Variants in PRRG1 observed in about 807,000 individuals in gnomAD.
The protein encoded by PRRG1 is transmembrane gamma-carboxyglutamic acid protein 1.
In PRRG1, 5 loss-of-function variants were observed where a neutral mutation model predicts 11.8. The observed-to-expected ratio is 0.42, with a 90% CI of 0.22 to 0.89. PRRG1 has a LOEUF of 0.89. PRRG1 is among the 40% of genes least tolerant of loss of function. The pLI, the probability that PRRG1 is intolerant of heterozygous loss-of-function variation, is 0.28. For missense variants in PRRG1, 155 were observed against 166.1 expected, an observed-to-expected ratio of 0.93 and a Z score of 0.37; for synonymous variants, 66 against 60.4, an observed-to-expected ratio of 1.09 and a Z score of -0.43.
At chrX:37,392,978 TTTTA>T (rs781847995) in intron 1 of PRRG1, among the ~76,000 whole-genome samples, 68 of 111,759 alleles carry the variant, frequency 6.1e-4, no homozygotes, top group African/African-American at 2.2e-3. Context: ...ACAATGTATA[TTTTA>T]TTTGAGTATT....
chrX:37,398,528 G>A (rs1435558304), intron 1 of PRRG1, among the ~76,000 whole-genome samples: 1 of 111,462 alleles, frequency 9.0e-6, no homozygotes, highest in African/African-American at 3.3e-5. Context: ...ACAAAGATGG[G>A]GAAAAAACAG....
chrX:37,429,643 G>A (rs187573197), intron 3 of PRRG1, among the ~76,000 whole-genome samples: 21 of 111,509 alleles, frequency 1.9e-4, no homozygotes, highest in Admixed American at 1.0e-3. Context: ...ACATTTTTCT[G>A]TCTTCTTCTG....
At chrX:37,375,509 G>A (rs1988085723) in intron 1 of PRRG1, among the ~76,000 whole-genome samples, 1 of 111,737 alleles carries the variant, frequency 8.9e-6, no homozygotes, top group African/African-American at 3.3e-5. Flanking sequence ...AAAAATTGCA[G>A]TATAGCAACT....
chrX:37,445,801 T>C (rs1933065690), intron 3 of PRRG1, among the ~76,000 whole-genome samples: 1 of 112,836 alleles, frequency 8.9e-6, no homozygotes, highest in Non-Finnish European at 1.9e-5. Context: ...AAGCCAAATA[T>C]AGCCCACCAT....
rs1470213387 is a variant in PRRG1, at chrX:37,358,462, A to G, written c.-42+9067A>G. On this transcript the variant is annotated intron_variant, in intron 1 of 3. Transcript: ENST00000378628. ...TCATTTTTTTTTCATGTGGATGTCC[A>G]GTTGTTCCAGCATCATTTGTTGAAA... Among the ~76,000 whole-genome samples the G allele has an allele frequency of 7.2e-5, 8 of 111,128 alleles. No individual in the cohort carries two copies. The Admixed American group carries it at 7.6e-4, about 11-fold the overall frequency.
At chrX:37,413,109 A>G (rs1932393799) in intron 2 of PRRG1, among the ~76,000 whole-genome samples, 1 of 111,423 alleles carries the variant, frequency 9.0e-6, no homozygotes, top group African/African-American at 3.3e-5. Context: ...CCAGAGAGGT[A>G]CATTTGTTAC....
chrX:37,449,514 A>G (rs1921039833), intron 3 of PRRG1, among the ~76,000 whole-genome samples: 2 of 112,453 alleles, frequency 1.8e-5, no homozygotes, highest in South Asian at 7.4e-4. Flanking sequence ...CTTTGTAAGA[A>G]TCTTGCACCC....
chrX:37,396,622 A>G (rs1477725958), intron 1 of PRRG1, among the ~76,000 whole-genome samples: 2 of 111,581 alleles, frequency 1.8e-5, no homozygotes, highest in Admixed American at 9.5e-5. Context: ...CCATAAGTCC[A>G]TTAAACCTCT....
chrX:37,446,144 G>C (rs782711519), intron 3 of PRRG1, among the ~76,000 whole-genome samples: 5 of 112,192 alleles, frequency 4.5e-5, no homozygotes, highest in Non-Finnish European at 9.4e-5. Context: ...GCAATATACT[G>C]TATTAATTTA....
intron 3 of PRRG1, among the ~76,000 whole-genome samples, chrX:37,434,201 A>G (rs1932860878): frequency 8.9e-6 from 1 of 112,582 alleles, no homozygotes; most frequent in Admixed American, 9.4e-5. Flanking sequence ...TGCTTTCAGT[A>G]GAATGTTTAT....
intron 2 of PRRG1, among the ~76,000 whole-genome samples, chrX:37,424,140 A>G (rs1366819004): frequency 9.0e-6 from 1 of 111,541 alleles, no homozygotes; most frequent in Non-Finnish European, 1.9e-5. Flanking sequence ...TTGTTAAGTG[A>G]TGCATGACTG....
Position 37,456,135 on chromosome X carries a change from A to G in PRRG1, c.*2514A>G, listed in dbSNP as rs1853547876. The G allele has an allele frequency of 8.9e-6, 1 of 112,028 alleles. No homozygotes were observed. The allele number at this position is 112,028 out of a possible 1,213,427, so 9.2% of individuals were successfully genotyped here. The stretch of plus-strand genomic sequence containing the variant: ...GGGTTTACTATGTTTAAATAAGTTA[A>G]TACTTTAAAAATTTTCAGGTTTTTT... On this transcript the variant is annotated 3_prime_UTR_variant, in exon 4 of 4. Transcript: ENST00000378628.
intron 3 of PRRG1, among the ~76,000 whole-genome samples, chrX:37,440,005 G>C (rs1447599764): frequency 9.1e-6 from 1 of 109,396 alleles, no homozygotes; most frequent in Non-Finnish European, 1.9e-5. Flanking sequence ...TCACCATGTT[G>C]GCCAGGCTGG....
chrX:37,398,001 CACACACACACACACAT>C (rs1170174946), intron 1 of PRRG1, among the ~76,000 whole-genome samples: 5 of 99,648 alleles, frequency 5.0e-5, no homozygotes, highest in African/African-American at 2.1e-4. Flanking sequence ...CACACACACA[CACACACACACACACAT>C]ACACGCTGAA....
chrX:37,429,404 A>G (rs1311052271), intron 3 of PRRG1, among the ~76,000 whole-genome samples: 1 of 111,773 alleles, frequency 8.9e-6, no homozygotes, highest in Non-Finnish European at 1.9e-5. Context: ...CTCCCGCCAG[A>G]TACCCTAAAT....
intron 3 of PRRG1, among the ~76,000 whole-genome samples, chrX:37,427,593 A>G (rs1178193328): frequency 8.9e-6 from 1 of 112,343 alleles, no homozygotes; most frequent in African/African-American, 3.2e-5. Flanking sequence ...CTGAAAGTTT[A>G]TACTGTTTGC....
intron 2 of PRRG1, among the ~76,000 whole-genome samples, chrX:37,418,579 T>G (rs1232763673): frequency 3.6e-5 from 4 of 112,049 alleles, no homozygotes; most frequent in African/African-American, 1.3e-4. Context: ...AAAAACCATA[T>G]TTTTATAGAA....
intron 1 of PRRG1, among the ~76,000 whole-genome samples, chrX:37,399,808 CAA>C (rs782068315): frequency 0.011 from 1,152 of 105,085 alleles, 4 homozygotes; most frequent in Non-Finnish European, 0.018. Context: ...AAATGGAAAA[CAA>C]AAAAAGGCAG....
chrX:37,380,990 A>T (rs782530922), intron 1 of PRRG1, among the ~76,000 whole-genome samples: 3 of 111,864 alleles, frequency 2.7e-5, no homozygotes, highest in Non-Finnish European at 5.7e-5. Flanking sequence ...CAAATGAACT[A>T]TAATACTTTG....
Sources: gnomAD v4.1 joint callset for allele counts (sites outside exome capture counted in the v4.1 genomes callset) on GRCh38, gnomAD v4.1.1 for gene constraint, MANE v1.5 for transcripts, NCBI Gene and HGNC (gene_info 2026-07-23, HGNC 2026-07-21) for gene names.